The following NLRP5 variants were observed in gnomAD, a reference collection of about 807,000 sequenced individuals.
NLRP5 encodes NACHT, LRR and PYD domains-containing protein 5.
In NLRP5, 93 loss-of-function variants were observed where a neutral mutation model predicts 113.1. That is an observed-to-expected ratio of 0.82 (90% confidence interval 0.70 to 0.98). The LOEUF (loss-of-function observed/expected upper bound fraction) is 0.98, where lower values mean the gene tolerates loss of function less well. Among genes scored for constraint, NLRP5 ranks in the 50% least tolerant of loss-of-function variants. The pLI is 0.00. For missense variants in NLRP5, 1,808 were observed against 1,514.3 expected, an observed-to-expected ratio of 1.19 and a Z score of -3.22; for synonymous variants, 751 against 600.7, an observed-to-expected ratio of 1.25 and a Z score of -3.66.
chr19:55,998,729 T>TACAC (rs1416438411), upstream of NLRP5, among the ~76,000 whole-genome samples: 2 of 132,816 alleles, frequency 1.5e-5, no homozygotes, highest in Admixed American at 7.5e-5. Flanking sequence ...TATATATATA[T>TACAC]GTGTATATAT....
In NLRP5 at chr19:56,038,202, G is replaced by C. The variant is rs760510903; in HGVS notation, c.2786+7G>C. 1 of 1,612,370 alleles carries C rather than the reference G, an allele frequency of 6.2e-7. No individual in the cohort carries two copies. Among genetic ancestry groups the C allele is most frequent in the South Asian group, 1.1e-5 (1 of 90,990 alleles). ...GCGCCCTGCAGAAGCTGATGTGAGT[G>C]CCACTTCCTTTCCACCAGGATTATC... On this transcript the variant is annotated splice_region_variant and intron_variant, in intron 10 of 14. Coordinates refer to ENST00000390649, the MANE Select transcript of NLRP5 (RefSeq NM_153447.4).
At chr19:55,988,066 G>A in the NLRP5 span, 1 of 626,660 alleles carries the variant, frequency 1.6e-6, no homozygotes. Context: ...TTTGAACCCT[G>A]GAGTGAGGAC....
chr19:56,056,366 T>A (rs1984152226), intron 13 of NLRP5, among the ~76,000 whole-genome samples: 1 of 152,004 alleles, frequency 6.6e-6, no homozygotes, highest in South Asian at 2.1e-4. Context: ...GAGACCAGTG[T>A]GCCAACATAG....
At chr19:56,013,596 G>GTTTTGTTTTTTTTTTT (rs1982287242) in intron 3 of NLRP5, among the ~76,000 whole-genome samples, 1 of 59,284 alleles carries the variant, frequency 1.7e-5, no homozygotes, top group African/African-American at 8.7e-5. Context: ...GGACATTTGG[G>GTTTTGTTTTTTTTTTT]TTTTTTTTTT....
chr19:56,004,036 G>A lies in NLRP5; in HGVS notation c.383G>A (p.Ser128Asn), dbSNP rs768523862. 1 of 1,613,694 alleles carries A rather than the reference G, an allele frequency of 6.2e-7. No individual in the cohort carries two copies. The highest frequency in any genetic ancestry group is 8.5e-7 in the Non-Finnish European group (1 of 1,179,790). Residue 128 changes from serine to asparagine, a missense_variant, in exon 2 of 15, where the codon AGC (serine) becomes AAC (asparagine). Physicochemically the swap from Ser to Asn is conservative, Grantham distance 46 (BLOSUM62 1). Coordinates refer to ENST00000390649, the MANE Select transcript of NLRP5 (RefSeq NM_153447.4). ...TCGCTGGCCTGGGCTACGTCCATTAGCATCTTTGAAAACATGAACCTGCGA... is the reference window on the plus strand; with the variant it reads ...TCGCTGGCCTGGGCTACGTCCATTAACATCTTTGAAAACATGAACCTGCGA...
chr19:56,020,807 A>C (rs931073247), intron 6 of NLRP5, among the ~76,000 whole-genome samples: 1 of 151,728 alleles, frequency 6.6e-6, no homozygotes, highest in East Asian at 1.9e-4. Flanking sequence ...TATGTACATG[A>C]ATACCTGCCA....
At chr19:56,034,209 T>A (rs2123314780) in intron 9 of NLRP5, among the ~76,000 whole-genome samples, 1 of 152,242 alleles carries the variant, frequency 6.6e-6, no homozygotes, top group Non-Finnish European at 1.5e-5. Flanking sequence ...GCCAACATGG[T>A]GAAACTCCAT....
chr19:56,061,396 G>T lies in NLRP5; in HGVS notation c.3471G>T (p.Gly1157=), dbSNP rs1486866975. The T allele has an allele frequency of 6.2e-7, 1 of 1,613,716 alleles. No homozygotes were observed. The highest frequency in any genetic ancestry group is 8.5e-7 in the Non-Finnish European group (1 of 1,179,750). ...ACGAGTCCTCTCTCTGCCTCCCCAG[G>T]CTGTGGAAATGGCAGTACCCTGTGC... is the stretch of plus-strand genomic sequence containing the variant. The change falls in exon 15 of 15, where the codon GGG becomes GGT. Residue 1157 remains glycine (G), a splice_region_variant and synonymous_variant. Transcript: ENST00000390649.
Position 56,058,145 on chromosome 19 carries a change from C to T in NLRP5, c.3300-95C>T. 6 of 977,292 alleles carry T rather than the reference C, an allele frequency of 6.1e-6. No homozygotes were observed. The South Asian group carries it at 9.5e-5, about 15-fold the overall frequency. The allele number at this position is 977,292 out of a possible 1,614,324, so 60.5% of individuals were successfully genotyped here. A position where few individuals can be genotyped will look rare whatever the true frequency, so the allele number is the denominator to read the frequency against. On this transcript the variant is annotated intron_variant, in intron 13 of 14. Coordinates refer to ENST00000390649, the MANE Select transcript of NLRP5 (RefSeq NM_153447.4). ...TTTGTTTTTGTTTTGTTTTGTTTTC[C>T]CAAAGAAAAAGTATCAAGGTGAAAT...
At chr19:56,005,127 A>T (rs1453836871) in intron 2 of NLRP5, among the ~76,000 whole-genome samples, 2 of 145,092 alleles carry the variant, frequency 1.4e-5, no homozygotes, top group African/African-American at 5.0e-5. Flanking sequence ...TATATATATA[A>T]TATATACACA....
intron 6 of NLRP5, among the ~76,000 whole-genome samples, chr19:56,026,509 C>T (rs1418879087): frequency 2.2e-5 from 2 of 89,450 alleles, no homozygotes; most frequent in East Asian, 6.6e-4. Context: ...GCCTGGGTGA[C>T]AGAGCAAGAC....
rs566875068 is a variant in NLRP5, at chr19:56,027,155, C to G, written c.922C>G (p.Leu308Val). The G allele has an allele frequency of 1.9e-6, 3 of 1,603,404 alleles. No homozygotes were observed. In the African/African-American group the frequency reaches 4.0e-5, roughly 21 times the overall value. ...CGTGCTGTGCTGGGCGCAAGGTGGA[C>G]TCTACCAGGGAATGTTCTCCTACGT... is the stretch of plus-strand genomic sequence containing the variant. Residue 308 changes from leucine (L) to valine (V), a missense_variant, in exon 7 of 15, where the codon CTC (leucine) becomes GTC (valine). Transcript: ENST00000390649.
intron 2 of NLRP5, among the ~76,000 whole-genome samples, chr19:56,006,469 T>C (rs1221456792): frequency 6.6e-6 from 1 of 152,080 alleles, no homozygotes; most frequent in Non-Finnish European, 1.5e-5. Flanking sequence ...GTGTGGCTAA[T>C]GCCTGTAATC....
Position 56,049,095 on chromosome 19 carries a change from C to T in NLRP5, c.2958-1323C>T, listed in dbSNP as rs538983610. Reference sequence around the variant, plus strand: ...CTCCTGGACTCAAGCAATTCTCCTGCCTCAGCCTCCCAAGTAGCTGGGACT... The same window carrying T: ...CTCCTGGACTCAAGCAATTCTCCTGTCTCAGCCTCCCAAGTAGCTGGGACT... On this transcript the variant is annotated intron_variant, in intron 11 of 14. Transcript: ENST00000390649. Among the ~76,000 whole-genome samples the T allele has an allele frequency of 2.0e-5, 3 of 149,970 alleles. No individual in the cohort carries two copies. The South Asian group carries it at 6.3e-4, about 31-fold the overall frequency.
At position 56,058,410 on chromosome 19, in the gene NLRP5, G is replaced by C. The variant is rs1419257468; in HGVS notation, c.3470G>C (p.Gly1157Ala). 3 of 1,609,484 alleles carry C rather than the reference G, an allele frequency of 1.9e-6. No homozygotes were observed. Among genetic ancestry groups the C allele is most frequent in the East Asian group, 2.2e-5 (1 of 44,816 alleles). The change falls in exon 14 of 15, where the codon GGG becomes GCG. Residue 1157 changes from glycine to alanine, a missense_variant and splice_region_variant. Physicochemically the swap from Gly to Ala is moderately conservative, Grantham distance 60. Transcript: ENST00000390649. ...CCCACGTCTAACTTACAGATAATTG[G>C]GTAAGTCGCCAGCAATTGTCTTCTG...
intron 11 of NLRP5, 46 bp downstream of exon 11, chr19:56,041,138 A>G: frequency 6.3e-7 from 1 of 1,590,754 alleles, no homozygotes; most frequent in Non-Finnish European, 8.6e-7. Flanking sequence ...GCTTTCTAAC[A>G]TAGCATGGTG....
Position 56,040,914 on chromosome 19 carries a change from T to G in NLRP5, c.2787-8T>G. On this transcript the variant is annotated splice_region_variant and splice_polypyrimidine_tract_variant and intron_variant, in intron 10 of 14. Coordinates refer to ENST00000390649, the MANE Select transcript of NLRP5 (RefSeq NM_153447.4). ...CATCATGTCCTCTCTGGGGCTCTCT[T>G]CTTGCAGACTGGAGGACTGTGGCAT... 1 of 1,612,838 alleles carries G rather than the reference T, an allele frequency of 6.2e-7. No homozygotes were observed. Among genetic ancestry groups the G allele is most frequent in the Non-Finnish European group, 8.5e-7 (1 of 1,179,290 alleles).
At chr19:55,997,367 C>G (rs751325840), upstream of NLRP5, among the ~76,000 whole-genome samples, 1 of 152,030 alleles carries the variant, frequency 6.6e-6, no homozygotes, top group African/African-American at 2.4e-5. Flanking sequence ...AGAATTTTGT[C>G]AAAGATTTTT....
chr19:56,030,714 C>CTTTTTTTTTTTTTTTTTT (rs770624516), intron 7 of NLRP5, among the ~76,000 whole-genome samples: 1,847 of 71,068 alleles, frequency 0.026, 353 homozygotes, highest in Non-Finnish European at 0.028. Flanking sequence ...CTTTCTTCTT[C>CTTTTTTTTTTTTTTTTTT]TTTTTTTTTT....
Sources: gnomAD v4.1 joint callset for allele counts (sites outside exome capture counted in the v4.1 genomes callset) on GRCh38, gnomAD v4.1.1 for gene constraint, MANE v1.5 for transcripts, NCBI Gene and HGNC (gene_info 2026-07-23, HGNC 2026-07-21) for gene names.